Variants in PAX2 observed in about 807,000 individuals in gnomAD.
PAX2 encodes paired box 2, also known as paired box protein Pax-2.
A neutral mutation model predicts 41.7 loss-of-function variants in PAX2; 9 were observed. The ratio of observed to expected loss-of-function variants is 0.22; its 90% CI spans 0.13 to 0.38. The LOEUF is 0.38. Among genes scored for constraint, PAX2 ranks in the 10% least tolerant of loss-of-function variants. The pLI, the probability that PAX2 is intolerant of heterozygous loss-of-function variation, is 1.00. For synonymous variants in PAX2, 221 were observed against 212.7 expected, an observed-to-expected ratio of 1.04 and a Z score of -0.34; for missense variants, 418 against 531.6, an observed-to-expected ratio of 0.79 and a Z score of 2.10.
chr10:100,774,193 A>G (rs1229116296), intron 3 of PAX2, among the ~76,000 whole-genome samples: 1 of 152,218 alleles, frequency 6.6e-6, no homozygotes, highest in Non-Finnish European at 1.5e-5. Context: ...ACACAGTGTT[A>G]ATAGGAGTTT....
chr10:100,746,117 C>A lies in PAX2; in HGVS notation c.-144C>A, dbSNP rs1297786946. 6.1e-5 allele frequency: 94 copies of A among 1,536,632 alleles called. No individual in the cohort carries two copies. Among genetic ancestry groups the A allele is most frequent in the Non-Finnish European group, 7.6e-5 (87 of 1,145,750 alleles). On this transcript the variant is annotated 5_prime_UTR_variant, in exon 1 of 10. Coordinates refer to ENST00000355243, the MANE Select transcript of PAX2 (RefSeq NM_000278.5). Reference sequence around the variant, plus strand: ...GCGGGGAGCGCAGTGCTGCGCCCCCCGCCCCCGCGCGCCCCGCAGCAGCCG... The same window carrying A: ...GCGGGGAGCGCAGTGCTGCGCCCCCAGCCCCCGCGCGCCCCGCAGCAGCCG...
At chr10:100,813,481 G>A (rs1301211665) in intron 7 of PAX2, among the ~76,000 whole-genome samples, 2 of 152,242 alleles carry the variant, frequency 1.3e-5, no homozygotes, top group African/African-American at 4.8e-5. Context: ...GATGCTGACT[G>A]GGAGAGGATG....
Position 100,791,781 on chromosome 10 carries a change from T to C in PAX2, c.616+10416T>C, listed in dbSNP as rs1186367373. ...CGTTCTTTCCTCCTTTCTTCCCTCC[T>C]CACCTGCCATCTCCATCTCTTTAGG... is the stretch of plus-strand genomic sequence containing the variant. On this transcript the variant is annotated intron_variant, in intron 5 of 9. Coordinates refer to ENST00000355243, the MANE Select transcript of PAX2 (RefSeq NM_000278.5). The surrounding 1 kb of genome is among the most constrained non-coding windows in gnomAD (Gnocchi z 4.5). Among the ~76,000 whole-genome samples the C allele has an allele frequency of 1.3e-5, 2 of 152,272 alleles. No individual in the cohort carries two copies. Among genetic ancestry groups the C allele is most frequent in the East Asian group, 3.9e-4 (2 of 5,176 alleles).
intron 8 of PAX2, among the ~76,000 whole-genome samples, chr10:100,825,670 G>C (rs866504926): frequency 2.0e-5 from 3 of 152,176 alleles, no homozygotes; most frequent in African/African-American, 7.2e-5. Context: ...ATGGGGAATG[G>C]GGAGGATAGA....
intron 7 of PAX2, among the ~76,000 whole-genome samples, chr10:100,817,428 G>T (rs1848226778): frequency 6.6e-6 from 1 of 152,248 alleles, no homozygotes; most frequent in African/African-American, 2.4e-5. Flanking sequence ...TGAATTAGAA[G>T]GAAACCACCT....
chr10:100,777,994 G>A lies in PAX2; in HGVS notation c.411-1504G>A, dbSNP rs1446522064. Among the ~76,000 whole-genome samples the A allele has an allele frequency of 2.6e-5, 4 of 152,144 alleles. No homozygotes were observed. The East Asian group carries it at 7.7e-4, about 29-fold the overall frequency. On this transcript the variant is annotated intron_variant, in intron 3 of 9. Coordinates refer to ENST00000355243, the MANE Select transcript of PAX2 (RefSeq NM_000278.5). ...AAGGCAGCAGGCTCGCGTGGCTTCC[G>A]CTTCCACCAGCTTGTGATGCCCTCC...
In PAX2 at chr10:100,747,832, T is replaced by G. The variant is rs1038364307; in HGVS notation, c.43+1529T>G. 3.0e-6 allele frequency: 3 copies of G among 984,952 alleles called. No individual in the cohort carries two copies. The African/African-American group carries it at 5.2e-5, about 17-fold the overall frequency. 61.0% of individuals were successfully genotyped at this position (984,952 alleles called of 1,614,324 possible). On this transcript the variant is annotated intron_variant, in intron 1 of 9. Coordinates refer to ENST00000355243, the MANE Select transcript of PAX2 (RefSeq NM_000278.5). Reference sequence around the variant, plus strand: ...AGTGGAACCGGGTCCACACGCCGTTTTCGCCCAGCCAGCCTGCCTCGCGGC... The same window carrying G: ...AGTGGAACCGGGTCCACACGCCGTTGTCGCCCAGCCAGCCTGCCTCGCGGC...
chr10:100,739,515 C>T (rs1401272419), intron 1 of PAX2, among the ~76,000 whole-genome samples: 2 of 152,128 alleles, frequency 1.3e-5, no homozygotes, highest in Admixed American at 1.3e-4. Flanking sequence ...CAGCGCGGGT[C>T]CTCCCGCCCC....
chr10:100,799,789 CT>C (rs56012188), intron 5 of PAX2, among the ~76,000 whole-genome samples: 42,710 of 89,524 alleles, frequency 0.48, 10,082 homozygotes, highest in East Asian at 0.77. Flanking sequence ...TAGTGTAATT[CT>C]TTTTTTTTTT....
intron 3 of PAX2, among the ~76,000 whole-genome samples, chr10:100,755,426 A>G (rs1845592970): frequency 6.6e-6 from 1 of 152,268 alleles, no homozygotes; most frequent in Non-Finnish European, 1.5e-5. Context: ...AAGGTGACGC[A>G]AAGAAGAAAA....
chr10:100,740,958 A>G (rs1844931457), upstream of PAX2, among the ~76,000 whole-genome samples: 2 of 152,150 alleles, frequency 1.3e-5, no homozygotes, highest in South Asian at 4.1e-4. Flanking sequence ...TCAGTTCCCT[A>G]GTAGAGTGGC....
Position 100,781,332 on chromosome 10 carries a change from C to G in PAX2, c.583C>G (p.Arg195Gly). Residue 195 changes from arginine (R) to glycine (G), a missense_variant, in exon 5 of 10, where the codon CGC becomes GGC. Arg to Gly is a moderately radical substitution (Grantham distance 125, BLOSUM62 -2). This residue lies in a region of PAX2 where 310 missense variants were observed against 325.2 expected (regional missense o/e 0.95). Transcript: ENST00000355243. Reference protein sequence around the residue: ...YSINGILGIPRSNGEKRKRDE... With the variant: ...YSINGILGIPGSNGEKRKRDE... The stretch of plus-strand genomic sequence containing the variant: ...CATCAATGGGATCCTGGGGATTCCT[C>G]GCTCCAATGGTGAGAAGAGGAAACG... 6.2e-7 allele frequency: 1 copy of G among 1,613,888 alleles called. No individual in the cohort carries two copies. Among genetic ancestry groups the G allele is most frequent in the Non-Finnish European group, 8.5e-7 (1 of 1,179,754 alleles).
Position 100,827,040 on chromosome 10 carries a change from C to T in PAX2, c.1053C>T (p.His351=). 1.9e-6 allele frequency: 3 copies of T among 1,613,530 alleles called. No individual in the cohort carries two copies. The highest frequency in any genetic ancestry group is 2.5e-6 in the Non-Finnish European group (3 of 1,179,490). ...AGTTCTCCGGCAACCCGTACAGCCA[C>T]CCCCAGTACACGGCCTACAACGAGG... The part of the protein sequence containing the change: ...GSEFSGNPYS[H]PQYTAYNEAW... The change falls in exon 9 of 10, where the codon CAC becomes CAT. Residue 351 remains histidine (H), a synonymous_variant. Coordinates refer to ENST00000355243, the MANE Select transcript of PAX2 (RefSeq NM_000278.5). The surrounding 1 kb of genome is among the most constrained non-coding windows in gnomAD (Gnocchi z 8.5).
At chr10:100,807,990 C>G (rs957788107) in intron 6 of PAX2, among the ~76,000 whole-genome samples, 2 of 152,190 alleles carry the variant, frequency 1.3e-5, no homozygotes, top group Non-Finnish European at 2.9e-5. Context: ...AAAGGAGGAG[C>G]TGGCCGAGGC....
chr10:100,785,524 GA>G (rs1846811987), intron 5 of PAX2, among the ~76,000 whole-genome samples: 1 of 152,208 alleles, frequency 6.6e-6, no homozygotes, highest in African/African-American at 2.4e-5. Flanking sequence ...CATGGCTGCA[GA>G]TGGCCGAGTC....
chr10:100,776,381 G>A (rs1846388825), intron 3 of PAX2, among the ~76,000 whole-genome samples: 1 of 152,034 alleles, frequency 6.6e-6, no homozygotes, highest in African/African-American at 2.4e-5. Context: ...AATTCCCTTC[G>A]GTCCCCATGT....
intron 7 of PAX2, among the ~76,000 whole-genome samples, chr10:100,811,470 C>T (rs547673079): frequency 2.0e-5 from 3 of 152,346 alleles, no homozygotes; most frequent in East Asian, 3.9e-4. Context: ...TGTTGGCCTT[C>T]AGGCCAGGAT....
Position 100,762,030 on chromosome 10 carries a change from A to C in PAX2, c.410+11139A>C, listed in dbSNP as rs1052495541. Among the ~76,000 whole-genome samples the C allele has an allele frequency of 6.5e-4, 99 of 152,102 alleles. 2 individuals are homozygous for C. The highest frequency in any genetic ancestry group is 2.9e-5 in the Non-Finnish European group (2 of 68,008). ...ATCACCACAAGCCTCCTCTGAAGCT[A>C]TGAGATGAAGGAGTACATGGGAGAG... is the stretch of plus-strand genomic sequence containing the variant. On this transcript the variant is annotated intron_variant, in intron 3 of 9. Coordinates refer to ENST00000355243, the MANE Select transcript of PAX2 (RefSeq NM_000278.5).
At chr10:100,825,339 C>T (rs1848512787) in intron 8 of PAX2, among the ~76,000 whole-genome samples, 1 of 152,160 alleles carries the variant, frequency 6.6e-6, no homozygotes, top group African/African-American at 2.4e-5. Context: ...ACCCCTATAC[C>T]TCTTCAGAGG....
Sources: allele counts gnomAD v4.1 joint callset (sites outside exome capture counted in the v4.1 genomes callset), GRCh38; gene constraint gnomAD v4.1.1; regional missense constraint gnomAD v4.1.1; non-coding constraint Gnocchi (gnomAD v3.1); transcripts MANE v1.5; gene names NCBI Gene and HGNC (gene_info 2026-07-23, HGNC 2026-07-21).